RASAL2: variants seen among roughly 807,000 people sequenced by gnomAD.
The protein encoded by RASAL2 is ras GTPase-activating protein nGAP.
Under a neutral mutation model 128.9 loss-of-function variants are expected in RASAL2, and 58 were observed. The ratio of observed to expected loss-of-function variants is 0.45; its 90% CI spans 0.36 to 0.56. RASAL2 has a LOEUF of 0.56. Among genes scored for constraint, RASAL2 ranks in the 20% least tolerant of loss-of-function variants. RASAL2 has a pLI of 0.00. For missense variants in RASAL2, 1,360 were observed against 1,601.6 expected (o/e 0.85, Z 2.57); for synonymous variants, 561 against 580.8 (o/e 0.97, Z 0.49).
In RASAL2 at chr1:178,442,901, A is replaced by G. The variant is rs1211621954; in HGVS notation, c.1154A>G (p.Lys385Arg). The change falls in exon 8 of 18, where the codon AAA becomes AGA. Residue 385 changes from lysine (K) to arginine (R), a missense_variant. Lys to Arg is a conservative substitution (Grantham distance 26). This residue lies in a region of RASAL2 where 617 missense variants were observed against 714.2 expected (regional missense o/e 0.86). Coordinates refer to ENST00000367649, the MANE Select transcript of RASAL2 (RefSeq NM_170692.4). ...GTTCACATTTACAAGGATGTGGAAA[A>G]AAAGAAAAAAAAGGACAAGAATAAT... is the stretch of plus-strand genomic sequence containing the variant. The part of the protein sequence containing the change: ...ITVHIYKDVE[K>R]KKKKDKNNYV... The G allele has an allele frequency of 6.2e-6, 10 of 1,613,738 alleles. No individual in the cohort carries two copies. Among genetic ancestry groups the G allele is most frequent in the Admixed American group, 3.3e-5 (2 of 59,900 alleles).
rs568375169 is a variant in RASAL2, at chr1:178,247,554, G to C, written c.203-36010G>C. The stretch of plus-strand genomic sequence containing the variant: ...TCATTTATTTTTTGAAGAGTTTTTC[G>C]TGTCTCTATCTCCTTCAGTTCTGCA... On this transcript the variant is annotated intron_variant, in intron 1 of 17. Coordinates refer to ENST00000367649, the MANE Select transcript of RASAL2 (RefSeq NM_170692.4). Among the ~76,000 whole-genome samples the C allele has an allele frequency of 4.6e-5, 7 of 151,902 alleles. No homozygotes were observed. The East Asian group carries it at 7.7e-4, about 17-fold the overall frequency.
At chr1:178,189,523 A>G (rs72705028) in intron 1 of RASAL2, among the ~76,000 whole-genome samples, 4,118 of 152,302 alleles carry the variant, frequency 0.027, 88 homozygotes, top group Non-Finnish European at 0.042. Context: ...ACTTTTCAGT[A>G]AAGGCCACAG....
At position 178,458,288 on chromosome 1, in the gene RASAL2, C is replaced by G; in HGVS notation, c.2996C>G (p.Ala999Gly). Residue 999 changes from alanine (A) to glycine (G), a missense_variant, in exon 14 of 18, where the codon GCT becomes GGT. Physicochemically the swap from Ala to Gly is moderately conservative, Grantham distance 60 (BLOSUM62 0). Around this residue, in one of 3 missense-constraint regions of RASAL2, gnomAD observed 741 missense variants for 868.6 expected, o/e 0.85. Coordinates refer to ENST00000367649, the MANE Select transcript of RASAL2 (RefSeq NM_170692.4). ...GTGCCAGATAGACACATACCTCTTGCTTTGCCACGACAAAATAGTACTGGG... is the reference window on the plus strand; with the variant it reads ...GTGCCAGATAGACACATACCTCTTGGTTTGCCACGACAAAATAGTACTGGG... ...HTVPDRHIPL[A>G]LPRQNSTGQA... 6.2e-7 allele frequency: 1 copy of G among 1,614,264 alleles called. No homozygotes were observed. The highest frequency in any genetic ancestry group is 8.5e-7 in the Non-Finnish European group (1 of 1,180,050).
At position 178,457,800 on chromosome 1, in the gene RASAL2, T is replaced by A. The variant is rs1165499615; in HGVS notation, c.2508T>A (p.Asp836Glu). The A allele has an allele frequency of 6.2e-7, 1 of 1,614,198 alleles. No homozygotes were observed. Among genetic ancestry groups the A allele is most frequent in the African/African-American group, 1.3e-5 (1 of 75,060 alleles). The change falls in exon 14 of 18, where the codon GAT becomes GAA. Residue 836 changes from aspartate (D) to glutamate (E), a missense_variant. Coordinates refer to ENST00000367649, the MANE Select transcript of RASAL2 (RefSeq NM_170692.4). ...AGAGCATGACTTATTCTGAAAAGGATGAAAGGGAAAGTAGCCTTCCTAATG... is the reference window on the plus strand; with the variant it reads ...AGAGCATGACTTATTCTGAAAAGGAAGAAAGGGAAAGTAGCCTTCCTAATG... ...SSQSMTYSEK[D>E]ERESSLPNGR...
chr1:178,098,867 A>C (rs1658788601), intron 1 of RASAL2, among the ~76,000 whole-genome samples: 1 of 152,186 alleles, frequency 6.6e-6, no homozygotes, highest in South Asian at 2.1e-4. Context: ...CTATTTAAGC[A>C]AACAGAAGAA....
rs1648841420 is a variant in RASAL2 at position 178,478,656 on chromosome 1, G to A, written c.*5417G>A. 6.6e-6 allele frequency: 1 copy of A among 152,120 alleles called. No individual in the cohort carries two copies. The highest frequency in any genetic ancestry group is 1.5e-5 in the Non-Finnish European group (1 of 67,986). 9.4% of individuals were successfully genotyped at this position (152,120 alleles called of 1,614,324 possible). Reference sequence around the variant, plus strand: ...ATTTTATTTTTAAAGCCATATTTTTGTGCTAGTAGCATTTAGATTATTCCG... The same window carrying A: ...ATTTTATTTTTAAAGCCATATTTTTATGCTAGTAGCATTTAGATTATTCCG... On this transcript the variant is annotated 3_prime_UTR_variant, in exon 18 of 18. Coordinates refer to ENST00000367649, the MANE Select transcript of RASAL2 (RefSeq NM_170692.4).
chr1:178,416,881 TG>T (rs1181909537), intron 4 of RASAL2, among the ~76,000 whole-genome samples: 1 of 152,032 alleles, frequency 6.6e-6, no homozygotes, highest in Non-Finnish European at 1.5e-5. Context: ...TTTTTCCTTC[TG>T]GCTTCTTTAG....
chr1:178,222,365 T>A (rs997543407), intron 1 of RASAL2, among the ~76,000 whole-genome samples: 9 of 152,194 alleles, frequency 5.9e-5, no homozygotes, highest in Non-Finnish European at 1.0e-4. Flanking sequence ...TTGAGCATTT[T>A]GTTTCACTCC....
chr1:178,172,247 A>G (rs1452634222), intron 1 of RASAL2, among the ~76,000 whole-genome samples: 2 of 152,030 alleles, frequency 1.3e-5, no homozygotes, highest in African/African-American at 4.8e-5. Flanking sequence ...GGCCCAGATA[A>G]TAGTTTGTCA....
intron 17 of RASAL2, among the ~76,000 whole-genome samples, chr1:178,469,777 A>G (rs1236840006): frequency 2.0e-5 from 3 of 152,184 alleles, no homozygotes; most frequent in Non-Finnish European, 4.4e-5. Context: ...CACACTCTCA[A>G]CTAATGAATC....
At chr1:178,431,213 TTTAC>T (rs1239030280) in intron 5 of RASAL2, among the ~76,000 whole-genome samples, 3 of 152,052 alleles carry the variant, frequency 2.0e-5, no homozygotes, top group Non-Finnish European at 4.4e-5. Context: ...AAAGAACTAA[TTTAC>T]TTAATATACA....
At chr1:178,236,950 G>A (rs1664276817) in intron 1 of RASAL2, among the ~76,000 whole-genome samples, 1 of 151,848 alleles carries the variant, frequency 6.6e-6, no homozygotes, top group Non-Finnish European at 1.5e-5. Context: ...TTTTAGTAGA[G>A]ATGGGGTTTC....
chr1:178,412,190 A>G (rs1368989303), intron 4 of RASAL2, among the ~76,000 whole-genome samples: 1 of 152,212 alleles, frequency 6.6e-6, no homozygotes, highest in Non-Finnish European at 1.5e-5. Flanking sequence ...TCAGAAAAAT[A>G]TTACAAGCTA....
intron 3 of RASAL2, among the ~76,000 whole-genome samples, chr1:178,306,459 T>C (rs1390562920): frequency 6.6e-6 from 1 of 152,224 alleles, no homozygotes; most frequent in Non-Finnish European, 1.5e-5. Flanking sequence ...TCTAGATCCC[T>C]GAGGAATAGC....
intron 3 of RASAL2, among the ~76,000 whole-genome samples, chr1:178,318,149 T>C (rs1225735894): frequency 6.6e-6 from 1 of 152,176 alleles, no homozygotes; most frequent in Non-Finnish European, 1.5e-5. Flanking sequence ...TGCACTGTGG[T>C]CTGAGAGACA....
chr1:178,279,935 A>G (rs1302301119), intron 1 of RASAL2, among the ~76,000 whole-genome samples: 1 of 152,198 alleles, frequency 6.6e-6, no homozygotes, highest in Non-Finnish European at 1.5e-5. Flanking sequence ...GAATATCTGC[A>G]AATCTGAATG....
chr1:178,094,815 C>T (rs1658612509), intron 1 of RASAL2, 121 bp downstream of exon 1: 3 of 1,211,464 alleles, frequency 2.5e-6, no homozygotes, highest in Non-Finnish European at 3.4e-6. Context: ...TTCCCACATC[C>T]CTTTTTGTTC....
chr1:178,405,275 G>A (rs1057227008), intron 4 of RASAL2, among the ~76,000 whole-genome samples: 1 of 152,152 alleles, frequency 6.6e-6, no homozygotes. Flanking sequence ...TTTTTTAATT[G>A]CAAAATATTG....
chr1:178,179,258 G>C (rs1048917172), intron 1 of RASAL2, among the ~76,000 whole-genome samples: 1 of 152,202 alleles, frequency 6.6e-6, no homozygotes, highest in Non-Finnish European at 1.5e-5. Context: ...TTGGGAAGAA[G>C]AGATGAGCAC....
Sources: gnomAD v4.1 joint callset for allele counts (sites outside exome capture counted in the v4.1 genomes callset) on GRCh38, gnomAD v4.1.1 for gene constraint, gnomAD v4.1.1 regional missense constraint, MANE v1.5 for transcripts, NCBI Gene and HGNC (gene_info 2026-07-23, HGNC 2026-07-21) for gene names.